The following DGKH variants were observed in gnomAD, a reference collection of about 807,000 sequenced individuals.
DGKH encodes DAG kinase eta.
In DGKH, 90 loss-of-function variants were observed where a neutral mutation model predicts 159.3. That is an observed-to-expected ratio of 0.57 (90% CI 0.48 to 0.67). DGKH has a LOEUF of 0.67. Among genes scored for constraint, DGKH ranks in the 30% least tolerant of loss-of-function variants. The pLI, the probability that DGKH is intolerant of heterozygous loss-of-function variation, is 0.00. For missense variants in DGKH, 1,181 were observed against 1,506.1 expected (o/e 0.78, Z 3.57); for synonymous variants, 536 against 553.8 (o/e 0.97, Z 0.45).
exon 30 of DGKH, chr13:42,252,470 T>C (rs1428273563): frequency 6.6e-6 from 1 of 152,384 alleles, no homozygotes; most frequent in Non-Finnish European, 1.5e-5. Context: ...ACAACTTCAA[T>C]TCCTTTAGGA....
At chr13:42,227,322 C>T (rs1379450282) in intron 29 of DGKH, among the ~76,000 whole-genome samples, 1 of 152,126 alleles carries the variant, frequency 6.6e-6, no homozygotes, top group African/African-American at 2.4e-5. Context: ...GGAAAACATT[C>T]TTCTCATTTT....
At chr13:42,145,692 T>G (rs1955708409) in intron 3 of DGKH, among the ~76,000 whole-genome samples, 1 of 152,186 alleles carries the variant, frequency 6.6e-6, no homozygotes, top group Non-Finnish European at 1.5e-5. Context: ...AGGCAATGCC[T>G]AGTGATGTAG....
At chr13:42,128,779 C>A (rs933877290) in intron 2 of DGKH, among the ~76,000 whole-genome samples, 25 of 152,172 alleles carry the variant, frequency 1.6e-4, no homozygotes, top group Admixed American at 1.5e-3. Flanking sequence ...ACTGTAGGTT[C>A]CTTCCAGTCA....
intron 26 of DGKH, among the ~76,000 whole-genome samples, chr13:42,216,057 C>T (rs574927688): frequency 6.6e-6 from 1 of 152,328 alleles, no homozygotes; most frequent in South Asian, 2.1e-4. Flanking sequence ...TATGGTCCTC[C>T]AGGTTTGCTT....
chr13:42,057,688 A>G (rs1262615810), intron 1 of DGKH, among the ~76,000 whole-genome samples: 3 of 152,210 alleles, frequency 2.0e-5, no homozygotes, highest in Non-Finnish European at 4.4e-5. Flanking sequence ...CCAGGGATAG[A>G]GCAGTAAGCA....
At chr13:42,078,223 G>A (rs1443275429) in intron 1 of DGKH, among the ~76,000 whole-genome samples, 2 of 152,200 alleles carry the variant, frequency 1.3e-5, no homozygotes, top group Admixed American at 1.3e-4. Flanking sequence ...ATTTAATTCA[G>A]GGAATTGCCT....
intron 1 of DGKH, among the ~76,000 whole-genome samples, chr13:42,116,845 T>C (rs1319599395): frequency 6.6e-6 from 1 of 152,240 alleles, no homozygotes; most frequent in Non-Finnish European, 1.5e-5. Flanking sequence ...TTTAAGACAT[T>C]GGACTAAAAA....
chr13:42,206,972 A>ACTTTTTCTTTTTCTTTCTTT, intron 21 of DGKH, among the ~76,000 whole-genome samples: 1 of 57,776 alleles, frequency 1.7e-5, no homozygotes, highest in Admixed American at 1.9e-4. Flanking sequence ...TGGTACTTTT[A>ACTTTTTCTTTTTCTTTCTTT]CTTTTTCTTT....
At chr13:42,228,635 AAAAG>A (rs1456610042) in intron 29 of DGKH, among the ~76,000 whole-genome samples, 1 of 134,490 alleles carries the variant, frequency 7.4e-6, no homozygotes. Context: ...AGAGAGAAGA[AAAAG>A]AAAGAAAAGA....
At chr13:42,184,865 C>T (rs1481441984) in intron 13 of DGKH, among the ~76,000 whole-genome samples, 2 of 117,678 alleles carry the variant, frequency 1.7e-5, no homozygotes, top group Non-Finnish European at 3.6e-5. Context: ...AGACCCCCAT[C>T]TCTAAAAATG....
At chr13:42,204,289 T>A (rs764102669) in intron 20 of DGKH, among the ~76,000 whole-genome samples, 3 of 152,242 alleles carry the variant, frequency 2.0e-5, no homozygotes, top group Non-Finnish European at 2.9e-5. Context: ...ATTATTCTGT[T>A]AAGTATTTCA....
intron 1 of DGKH, among the ~76,000 whole-genome samples, chr13:42,102,923 C>G (rs776097289): frequency 2.0e-5 from 3 of 152,154 alleles, no homozygotes; most frequent in Non-Finnish European, 2.9e-5. Flanking sequence ...GGGACAATGA[C>G]TATACTGATT....
intron 11 of DGKH, among the ~76,000 whole-genome samples, chr13:42,172,422 G>A (rs1201219773): frequency 6.6e-6 from 1 of 152,186 alleles, no homozygotes; most frequent in Non-Finnish European, 1.5e-5. Flanking sequence ...GAGTTGAATA[G>A]TAGCTAAAAG....
intron 1 of DGKH, among the ~76,000 whole-genome samples, chr13:42,085,365 A>G (rs1954283468): frequency 6.6e-6 from 1 of 152,128 alleles, no homozygotes; most frequent in Non-Finnish European, 1.5e-5. Flanking sequence ...GAACCTCTCT[A>G]GAAGCTGCCC....
At chr13:42,117,644 A>T (rs1186227285) in intron 1 of DGKH, among the ~76,000 whole-genome samples, 3 of 152,186 alleles carry the variant, frequency 2.0e-5, no homozygotes, top group African/African-American at 7.2e-5. Context: ...GGCAAGGACT[A>T]TATTTTATAC....
In DGKH at chr13:42,217,033, T is replaced by A. The variant is rs146633116; in HGVS notation, c.3213+1366T>A. ...CTTCTCCACTTTTAATTTTCTCTCA[T>A]TGTTAAATATGAATTTTGGTTTAAA... is the stretch of plus-strand genomic sequence containing the variant. On this transcript the variant is annotated intron_variant, in intron 26 of 29. Coordinates refer to ENST00000337343, the MANE Select transcript of DGKH (RefSeq NM_178009.5). Among the ~76,000 whole-genome samples, 221 of 152,330 alleles carry A rather than the reference T, an allele frequency of 1.5e-3. 1 individual carries two copies. Among genetic ancestry groups the A allele is most frequent in the African/African-American group, 5.2e-3 (216 of 41,586 alleles).
intron 20 of DGKH, among the ~76,000 whole-genome samples, chr13:42,202,872 G>A (rs980380947): frequency 1.3e-5 from 2 of 152,156 alleles, no homozygotes; most frequent in East Asian, 1.9e-4. Context: ...CATAATATAC[G>A]TAATTTACAT....
rs983450990 is a variant in DGKH at position 42,236,447 on chromosome 13, A to G, written c.*7259A>G. The G allele has an allele frequency of 1.3e-5, 2 of 152,228 alleles. No individual in the cohort carries two copies. Among genetic ancestry groups the G allele is most frequent in the Non-Finnish European group, 2.9e-5 (2 of 68,042 alleles). 9.4% of individuals were successfully genotyped at this position (152,228 alleles called of 1,614,324 possible). ...TAAAATAAATATTTTTTTAAAATAT[A>G]AAGCCAAAATGAATTCACCAATATT... On this transcript the variant is annotated 3_prime_UTR_variant, in exon 30 of 30. Coordinates refer to ENST00000337343, the MANE Select transcript of DGKH (RefSeq NM_178009.5).
intron 12 of DGKH, among the ~76,000 whole-genome samples, chr13:42,175,552 C>A (rs924268311): frequency 2.0e-5 from 3 of 152,048 alleles, no homozygotes; most frequent in Non-Finnish European, 4.4e-5. Flanking sequence ...TCAGAAATGT[C>A]TGTTTTCTAG....
Sources: gnomAD v4.1 joint callset for allele counts (sites outside exome capture counted in the v4.1 genomes callset) on GRCh38, gnomAD v4.1.1 for gene constraint, MANE v1.5 for transcripts, NCBI Gene and HGNC (gene_info 2026-07-23, HGNC 2026-07-21) for gene names.